RIF1: variants seen among roughly 807,000 people sequenced by gnomAD.
The protein encoded by RIF1 is replication timing regulatory factor 1, also known as telomere-associated protein RIF1.
Under a neutral mutation model 247.1 loss-of-function variants are expected in RIF1, and 45 were observed. That is an observed-to-expected ratio of 0.18 (90% CI 0.14 to 0.23). RIF1 has a LOEUF of 0.23. RIF1 is among the 10% of genes least tolerant of loss of function. The pLI is 1.00. For missense variants in RIF1, 2,967 were observed against 2,862.5 expected (o/e 1.04, Z -0.83); for synonymous variants, 1,087 against 978.8 (o/e 1.11, Z -2.06).
At chr2:151,497,147 G>C (rs970500114) in intron 10 of RIF1, 5 of 1,365,270 alleles carry the variant, frequency 3.7e-6, no homozygotes, top group African/African-American at 3.0e-5. Flanking sequence ...TGTCCAAGGA[G>C]CCAGAAGTTA....
At chr2:151,487,766 C>CATAT (rs141261492) in intron 9 of RIF1, among the ~76,000 whole-genome samples, 3 of 151,474 alleles carry the variant, frequency 2.0e-5, no homozygotes, top group East Asian at 1.9e-4. Flanking sequence ...TACATACACA[C>CATAT]ATATATATAT....
At chr2:151,485,417 T>C (rs2049597766), downstream of RIF1, 2 of 180,712 alleles carry the variant, frequency 1.1e-5, no homozygotes, top group Admixed American at 6.0e-5. Context: ...TTAGAAATAA[T>C]AAGCATTAGC....
intron 14 of RIF1, among the ~76,000 whole-genome samples, chr2:151,439,421 T>C (rs945090477): frequency 4.6e-5 from 7 of 152,102 alleles, no homozygotes; most frequent in African/African-American, 1.7e-4. Context: ...TTCCAGCACT[T>C]TGGGAGGCCG....
chr2:151,443,426 A>G, intron 17 of RIF1, 97 bp downstream of exon 17: 1 of 1,358,328 alleles, frequency 7.4e-7, no homozygotes, highest in Non-Finnish European at 1.0e-6. Flanking sequence ...TTTTTTTAAA[A>G]AAAATTCGTT....
rs756931357 is a variant in RIF1, at chr2:151,411,280, G to A, written c.125G>A (p.Gly42Glu). Residue 42 changes from glycine to glutamate, a missense_variant, in exon 3 of 36, where the codon GGA becomes GAA. Coordinates refer to ENST00000444746, the MANE Select transcript of RIF1 (RefSeq NM_018151.5). ...TLTSRMTGEE[G>E]KEVITEIEKK... ...TTAAGTCGTATGACTGGAGAAGAAG[G>A]AAAAGAAGTAATTACAGAAATTGAG... is the stretch of plus-strand genomic sequence containing the variant. 6.2e-7 allele frequency: 1 copy of A among 1,603,650 alleles called. No homozygotes were observed. Among genetic ancestry groups the A allele is most frequent in the Admixed American group, 1.7e-5 (1 of 59,134 alleles).
chr2:151,442,255 A>G (rs1192842977), intron 16 of RIF1, among the ~76,000 whole-genome samples: 1 of 151,106 alleles, frequency 6.6e-6, no homozygotes, highest in Non-Finnish European at 1.5e-5. Context: ...TTGTATTTTT[A>G]TAGAGACGGG....
chr2:151,433,056 G>T, intron 9 of RIF1, 21 bp from the exon 10 acceptor site: 1 of 1,596,238 alleles, frequency 6.3e-7, no homozygotes, highest in South Asian at 1.1e-5. Flanking sequence ...CTCTTTAACT[G>T]TGTGCTTATT....
chr2:151,423,608 C>T (rs543337132), intron 8 of RIF1: 1 of 152,550 alleles, frequency 6.6e-6, no homozygotes, highest in South Asian at 2.1e-4. Context: ...ATATATTGAA[C>T]AGCTGACAAA....
the RIF1 span, chr2:151,524,258 G>C: frequency 7.0e-7 from 1 of 1,432,282 alleles, no homozygotes; most frequent in African/African-American, 1.4e-5. Context: ...CTTCCTGCAA[G>C]GTCTTTTATA....
intron 2 of RIF1, 63 bp downstream of exon 2, chr2:151,410,590 G>A: frequency 1.5e-6 from 2 of 1,298,996 alleles, no homozygotes; most frequent in Admixed American, 1.9e-5. Flanking sequence ...AAAGAAGGTG[G>A]TTGGGAGGGG....
At chr2:151,503,455 T>C in intron 12 of RIF1, 1 of 1,546,152 alleles carries the variant, frequency 6.5e-7, no homozygotes. Context: ...TAGAAAATAA[T>C]TAGAATACCC....
chr2:151,501,799 T>C (rs2064798261), intron 11 of RIF1, among the ~76,000 whole-genome samples: 1 of 152,048 alleles, frequency 6.6e-6, no homozygotes, highest in South Asian at 2.1e-4. Context: ...ATCCATGAGT[T>C]GTTGGTAACA....
Position 151,481,554 on chromosome 2 carries a change from C to A in RIF1, c.*6483C>A, listed in dbSNP as rs1168422836. On this transcript the variant is annotated 3_prime_UTR_variant, in exon 36 of 36. Transcript: ENST00000444746. ...TTATTAACCCTCTAATATTGTTGTCCCGATCATTTGGTAAACGCTAAGAGA... is the reference window on the plus strand; with the variant it reads ...TTATTAACCCTCTAATATTGTTGTCACGATCATTTGGTAAACGCTAAGAGA... 1 of 152,138 alleles carries A rather than the reference C, an allele frequency of 6.6e-6. No individual in the cohort carries two copies. The highest frequency in any genetic ancestry group is 1.5e-5 in the Non-Finnish European group (1 of 68,038). 9.4% of individuals were successfully genotyped at this position (152,138 alleles called of 1,614,324 possible).
Position 151,462,246 on chromosome 2 carries a change from G to A in RIF1, c.3232G>A (p.Asp1078Asn), listed in dbSNP as rs1271332693. ...QKEVLKTKRC[D>N]IPAMYNNLDV... ...CTTATATATAGTTTTTTTCAGGTGT[G>A]ATATTCCTGCCATGTATAATAATCT... Residue 1078 changes from aspartate (D) to asparagine (N), a missense_variant, in exon 28 of 36, where the codon GAT becomes AAT. Transcript: ENST00000444746. 3.2e-6 allele frequency: 5 copies of A among 1,567,904 alleles called. No individual in the cohort carries two copies. In the Admixed American group the frequency reaches 8.6e-5, roughly 27 times the overall value.
In RIF1 at chr2:151,463,256, A is replaced by G. The variant is rs1335819742; in HGVS notation, c.3736A>G (p.Thr1246Ala). 19 of 1,613,142 alleles carry G rather than the reference A, an allele frequency of 1.2e-5. No homozygotes were observed. The highest frequency in any genetic ancestry group is 8.4e-5 in the Admixed American group (5 of 59,840). The change falls in exon 30 of 36, where the codon ACT (threonine) becomes GCT (alanine). Residue 1246 changes from threonine (T) to alanine (A), a missense_variant. Thr to Ala is a moderately conservative substitution (Grantham distance 58). Coordinates refer to ENST00000444746, the MANE Select transcript of RIF1 (RefSeq NM_018151.5). Reference protein sequence around the residue: ...SPSPLNNISSTVTVKNNQETM... With the variant: ...SPSPLNNISSAVTVKNNQETM... ...ATCCCCCTTGAATAATATTTCATCA[A>G]CTGTTACAGTGAAAAATAACCAGGA...
chr2:151,485,871 A>G (rs772533651), downstream of RIF1: 1 of 1,613,998 alleles, frequency 6.2e-7, no homozygotes, highest in Non-Finnish European at 8.5e-7. Context: ...TGGCATCTCC[A>G]TCCTTGAAGG....
At position 151,427,525 on chromosome 2, in the gene RIF1, A is replaced by ATT. The variant is rs58446169; in HGVS notation, c.787-1249_787-1248dup. Among the ~76,000 whole-genome samples the ATT allele has an allele frequency of 2.3e-3, 312 of 134,600 alleles. 1 individual carries two copies. The highest frequency in any genetic ancestry group is 5.7e-3 in the African/African-American group (208 of 36,292). 88.3% of individuals were successfully genotyped at this position (134,600 alleles called of 152,430 possible). A position where few individuals can be genotyped will look rare whatever the true frequency, so the allele number is the denominator to read the frequency against. ...CGTGCCTGGCCTATTTTTTTTTTTA[A>ATT]TTTTTTTTTTTGTTTTTTTTTCTCC... On this transcript the variant is annotated intron_variant, in intron 8 of 35. Transcript: ENST00000444746.
chr2:151,452,836 T>C (rs1030757946), intron 21 of RIF1, among the ~76,000 whole-genome samples: 2 of 152,264 alleles, frequency 1.3e-5, no homozygotes, highest in Non-Finnish European at 2.9e-5. Flanking sequence ...TTGGTACTTC[T>C]GAAATTAGAT....
chr2:151,508,168 G>A, downstream of RIF1: 1 of 1,180,906 alleles, frequency 8.5e-7, no homozygotes, highest in Non-Finnish European at 1.2e-6. Context: ...AGGCCAATGG[G>A]ACCTAAAATA....
Sources: allele counts gnomAD v4.1 joint callset (sites outside exome capture counted in the v4.1 genomes callset), GRCh38; gene constraint gnomAD v4.1.1; transcripts MANE v1.5; gene names NCBI Gene and HGNC (gene_info 2026-07-23, HGNC 2026-07-21).